The following WDFY3 variants were observed in gnomAD, a reference collection of about 807,000 sequenced individuals.
The protein encoded by WDFY3 is WD repeat and FYVE domain-containing protein 3.
A neutral mutation model predicts 409.6 loss-of-function variants in WDFY3; 66 were observed. The observed-to-expected ratio is 0.16, with a 90% CI of 0.13 to 0.20. WDFY3 has a LOEUF of 0.20. Ranked by LOEUF, WDFY3 falls within the 10% of genes least tolerant of loss-of-function variation. The pLI, the probability that WDFY3 is intolerant of heterozygous loss-of-function variation, is 1.00. For synonymous variants in WDFY3, 1,521 were observed against 1,537.1 expected (o/e 0.99, Z 0.25); for missense variants, 3,031 against 4,298.1 (o/e 0.71, Z 8.24).
chr4:84,856,151 T>C (rs1759737803), intron 4 of WDFY3, among the ~76,000 whole-genome samples: 1 of 152,234 alleles, frequency 6.6e-6, no homozygotes. Flanking sequence ...TATTTGGTTC[T>C]AAGTTTGGGT....
intron 30 of WDFY3, among the ~76,000 whole-genome samples, chr4:84,770,324 G>A (rs906799505): frequency 1.3e-5 from 2 of 152,000 alleles, no homozygotes; most frequent in Non-Finnish European, 2.9e-5. Context: ...CACCGCGCCC[G>A]GCCGAGTTAT....
At chr4:84,726,459 T>C (rs1735674529) in intron 45 of WDFY3, among the ~76,000 whole-genome samples, 1 of 152,206 alleles carries the variant, frequency 6.6e-6, no homozygotes, top group Non-Finnish European at 1.5e-5. Context: ...GAGGAGACAC[T>C]GTTGCATTCT....
intron 36 of WDFY3, 68 bp downstream of exon 36, chr4:84,751,414 GT>G: frequency 6.8e-7 from 1 of 1,472,778 alleles, no homozygotes. Flanking sequence ...TATAGAACTT[GT>G]TTGGTTACTA....
Position 84,821,140 on chromosome 4 carries a change from A to C in WDFY3, c.1535T>G (p.Leu512Arg). 1 of 1,613,558 alleles carries C rather than the reference A, an allele frequency of 6.2e-7. No homozygotes were observed. Among genetic ancestry groups the C allele is most frequent in the Non-Finnish European group, 8.5e-7 (1 of 1,179,736 alleles). ...EVGLLEVMVN[L>R]LHKYAALLKD... is the part of the protein sequence containing the mutation. ...CAACAGGGCAGCATATTTATGCAAA[A>C]GGTTTACCATGACCTCCAAAAGGCC... Residue 512 changes from leucine to arginine, a missense_variant, in exon 11 of 68, where the codon CTT becomes CGT. Physicochemically the swap from Leu to Arg is moderately radical, Grantham distance 102. Coordinates refer to ENST00000295888, the MANE Select transcript of WDFY3 (RefSeq NM_014991.6).
At chr4:84,780,412 CT>C in intron 25 of WDFY3, 114 bp from the exon 26 acceptor site, 1 of 1,109,374 alleles carries the variant, frequency 9.0e-7, no homozygotes, top group Non-Finnish European at 1.2e-6. Context: ...AAAATATCTT[CT>C]GTCTATAATG....
At chr4:84,933,162 T>C (rs1770981311) in intron 1 of WDFY3, among the ~76,000 whole-genome samples, 1 of 152,170 alleles carries the variant, frequency 6.6e-6, no homozygotes, top group African/African-American at 2.4e-5. Flanking sequence ...CCTTTTCAGA[T>C]GAGCTATGTG....
intron 5 of WDFY3, among the ~76,000 whole-genome samples, chr4:84,847,541 C>T (rs1451268112): frequency 8.9e-5 from 13 of 145,332 alleles, no homozygotes; most frequent in Admixed American, 6.3e-4. Context: ...CTGAGGCGGG[C>T]GGATCATGAG....
chr4:84,705,463 T>C lies in WDFY3; in HGVS notation c.8266A>G (p.Met2756Val). Residue 2756 changes from methionine to valine, a missense_variant, in exon 54 of 68, where the codon ATG (methionine) becomes GTG (valine). Transcript: ENST00000295888. ...AATCGTTCATCTGTTTGTGCTCCCA[T>C]TGGCTTAGCCAGGTTTCTAAACGTC... The part of the protein sequence containing the change: ...PKTFRNLAKP[M>V]GAQTDERLAQ... 4.3e-6 allele frequency: 7 copies of C among 1,614,116 alleles called. No individual in the cohort carries two copies. The highest frequency in any genetic ancestry group is 1.1e-5 in the South Asian group (1 of 91,066).
In WDFY3 at chr4:84,755,420, C is replaced by T. The variant is rs779256043; in HGVS notation, c.5425-20G>A. On this transcript the variant is annotated intron_variant, in intron 33 of 67. Coordinates refer to ENST00000295888, the MANE Select transcript of WDFY3 (RefSeq NM_014991.6). The stretch of plus-strand genomic sequence containing the variant: ...ATCAAACTGCAGAGGTGAAAGGGAG[C>T]AAATATTAGCCACCACTAATTTTTC... 1 of 1,583,986 alleles carries T rather than the reference C, an allele frequency of 6.3e-7. No individual in the cohort carries two copies. Among genetic ancestry groups the T allele is most frequent in the South Asian group, 1.2e-5 (1 of 85,896 alleles).
chr4:84,931,881 A>G (rs1221103630), intron 2 of WDFY3, among the ~76,000 whole-genome samples: 1 of 152,178 alleles, frequency 6.6e-6, no homozygotes, highest in African/African-American at 2.4e-5. Context: ...TCACTCAAAG[A>G]AACTACAATA....
At chr4:84,753,997 G>T (rs2149312678) in intron 34 of WDFY3, 121 bp from the exon 35 acceptor site, 2 of 1,101,294 alleles carry the variant, frequency 1.8e-6, no homozygotes, top group Middle Eastern at 6.4e-4. Context: ...CCAGAACTCT[G>T]TAAACCACAC....
At chr4:84,809,587 G>T in intron 14 of WDFY3, 1 of 242,404 alleles carries the variant, frequency 4.1e-6, no homozygotes, top group East Asian at 9.1e-5. Flanking sequence ...AGGCTAAAAA[G>T]AAAAAAAACA....
rs543473315 is a variant in WDFY3 at position 84,855,838 on chromosome 4, A to G, written c.180+4574T>C. Among the ~76,000 whole-genome samples the G allele has an allele frequency of 1.7e-3, 262 of 152,304 alleles. 1 individual carries two copies. Among genetic ancestry groups the G allele is most frequent in the African/African-American group, 5.2e-3 (215 of 41,586 alleles). ...TTTATCTTATGCTCTTTTTGTTTCT[A>G]TGAAGGACCATCAGATGAGAGTCTG... On this transcript the variant is annotated intron_variant, in intron 4 of 67. Coordinates refer to ENST00000295888, the MANE Select transcript of WDFY3 (RefSeq NM_014991.6).
At chr4:84,928,079 T>C (rs768083219) in intron 2 of WDFY3, among the ~76,000 whole-genome samples, 5 of 152,140 alleles carry the variant, frequency 3.3e-5, no homozygotes, top group Non-Finnish European at 7.3e-5. Context: ...CTGCCCTCAA[T>C]ATGAGTGGGC....
intron 1 of WDFY3, among the ~76,000 whole-genome samples, chr4:84,943,252 A>C (rs1193933807): frequency 6.6e-6 from 1 of 152,186 alleles, no homozygotes; most frequent in Admixed American, 6.5e-5. Context: ...CTGTAATCCA[A>C]GCACTTTGGG....
rs1188868444 is a variant in WDFY3 at position 84,809,943 on chromosome 4, C to T, written c.2289G>A (p.Arg763=). The T allele has an allele frequency of 6.2e-7, 1 of 1,614,072 alleles. No homozygotes were observed. Among genetic ancestry groups the T allele is most frequent in the Non-Finnish European group, 8.5e-7 (1 of 1,179,986 alleles). The change falls in exon 14 of 68, where the codon CGG becomes CGA. Residue 763 remains arginine, a synonymous_variant. Transcript: ENST00000295888. ...GATAAATAAAAAGTTTACTGCAGTGCCGTAACGTGGGTGACACTGATTCTA... is the reference window on the plus strand; with the variant it reads ...GATAAATAAAAAGTTTACTGCAGTGTCGTAACGTGGGTGACACTGATTCTA... ...ISIESVSPTL[R]HCSKLFIYLY... is the part of the protein sequence containing the mutation.
At chr4:84,689,922 T>C (rs1335477176) in intron 61 of WDFY3, among the ~76,000 whole-genome samples, 1 of 152,196 alleles carries the variant, frequency 6.6e-6, no homozygotes, top group Non-Finnish European at 1.5e-5. Flanking sequence ...AAATACCTTA[T>C]GGTAAGTTCT....
chr4:84,860,554 T>C lies in WDFY3; in HGVS notation c.38A>G (p.Gln13Arg). The C allele has an allele frequency of 1.9e-6, 3 of 1,612,848 alleles. No individual in the cohort carries two copies. The highest frequency in any genetic ancestry group is 1.3e-5 in the African/African-American group (1 of 75,050). The stretch of plus-strand genomic sequence containing the variant: ...GTTGTCTTGTGGGCTGCACTCCTCC[T>C]GCCTCGGCCGCCCCATGATCCTCTT... ...MVKRIMGRPR[Q>R]EECSPQDNAL... The change falls in exon 4 of 68, where the codon CAG (glutamine) becomes CGG (arginine). Residue 13 changes from glutamine to arginine, a missense_variant. By Grantham distance (43) the Gln-to-Arg change is conservative. Coordinates refer to ENST00000295888, the MANE Select transcript of WDFY3 (RefSeq NM_014991.6).
intron 55 of WDFY3, among the ~76,000 whole-genome samples, chr4:84,702,967 G>A (rs1731297494): frequency 6.6e-6 from 1 of 152,012 alleles, no homozygotes; most frequent in South Asian, 2.1e-4. Flanking sequence ...GAGGTGGCGG[G>A]CGCCTGTAGT....
Sources: gnomAD v4.1 joint callset for allele counts (sites outside exome capture counted in the v4.1 genomes callset) on GRCh38, gnomAD v4.1.1 for gene constraint, MANE v1.5 for transcripts, NCBI Gene and HGNC (gene_info 2026-07-23, HGNC 2026-07-21) for gene names.